The following POMT2 variants were observed in gnomAD, a reference collection of about 807,000 sequenced individuals.
POMT2 encodes protein O-mannosyltransferase 2.
A neutral mutation model predicts 100.0 loss-of-function variants in POMT2; 75 were observed. The observed-to-expected ratio is 0.75, with a 90% CI of 0.62 to 0.91. POMT2 has a LOEUF of 0.91. Ranked by LOEUF, POMT2 falls within the 40% of genes least tolerant of loss-of-function variation. The pLI, the probability that POMT2 is intolerant of heterozygous loss-of-function variation, is 0.00. For synonymous variants in POMT2, 378 were observed against 374.1 expected (o/e 1.01, Z -0.12); for missense variants, 940 against 955.1 (o/e 0.98, Z 0.21).
At chr14:77,278,255 C>T in intron 20 of POMT2, 139 bp downstream of exon 20, 1 of 757,080 alleles carries the variant, frequency 1.3e-6, no homozygotes, top group Non-Finnish European at 2.3e-6. Flanking sequence ...CACGGCCCCA[C>T]CTGGGCTTGG....
At chr14:77,291,912 C>T (rs1411300976) in intron 9 of POMT2, among the ~76,000 whole-genome samples, 1 of 152,112 alleles carries the variant, frequency 6.6e-6, no homozygotes, top group Non-Finnish European at 1.5e-5. Context: ...CGCCTGTAAT[C>T]CCAACTACTC....
At chr14:77,290,179 A>C (rs1890585002) in intron 10 of POMT2, among the ~76,000 whole-genome samples, 1 of 152,210 alleles carries the variant, frequency 6.6e-6, no homozygotes, top group East Asian at 1.9e-4. Context: ...ATGAAATGCA[A>C]CCATCTTAAC....
At chr14:77,316,524 C>CCACT (rs1202029649) in intron 1 of POMT2, among the ~76,000 whole-genome samples, 13 of 146,826 alleles carry the variant, frequency 8.9e-5, no homozygotes, top group African/African-American at 3.0e-4. Context: ...TATGATTGTA[C>CCACT]CACTCCACTC....
chr14:77,311,993 T>A lies in POMT2; in HGVS notation c.289A>T (p.Ile97Phe). ...ACATCAAAGAAAAATGTACGGTTGA[T>A]ATAGTAACTTCCCATTTTTCCAAAG... ...THFGKMGSYY[I>F]NRTFFFDVHP... Residue 97 changes from isoleucine (I) to phenylalanine (F), a missense_variant, in exon 2 of 21, where the codon ATC becomes TTC. Transcript: ENST00000261534. The A allele has an allele frequency of 6.2e-7, 1 of 1,614,100 alleles. No homozygotes were observed. The highest frequency in any genetic ancestry group is 8.5e-7 in the Non-Finnish European group (1 of 1,180,000).
chr14:77,299,666 T>A, intron 6 of POMT2, 105 bp from the exon 7 acceptor site: 1 of 903,012 alleles, frequency 1.1e-6, no homozygotes, highest in Non-Finnish European at 1.8e-6. Context: ...GTCATAATCA[T>A]AAAAAATGGC....
At chr14:77,305,906 G>A (rs1186436516) in intron 3 of POMT2, among the ~76,000 whole-genome samples, 2 of 152,182 alleles carry the variant, frequency 1.3e-5, no homozygotes, top group East Asian at 3.8e-4. Flanking sequence ...GTGTGGGGAT[G>A]CCAAAATCTT....
Position 77,301,194 on chromosome 14 carries a change from C to T in POMT2, c.712G>A (p.Gly238Ser), listed in dbSNP as rs1218868274. Reference sequence around the variant, plus strand: ...CCAACAAACTTGACCCCTAAAGCACCAGCAAGACTAACGCCAGTCAGGCTG... The same window carrying T: ...CCAACAAACTTGACCCCTAAAGCACTAGCAAGACTAACGCCAGTCAGGCTG... ...WLSLTGVSLAGALGVKFVGLF... is the reference protein window; with the variant it reads ...WLSLTGVSLASALGVKFVGLF... Residue 238 changes from glycine to serine, a missense_variant, in exon 6 of 21, where the codon GGT (glycine) becomes AGT (serine). Gly to Ser is a moderately conservative substitution (Grantham distance 56). Coordinates refer to ENST00000261534, the MANE Select transcript of POMT2 (RefSeq NM_013382.7). The T allele has an allele frequency of 6.2e-7, 1 of 1,614,224 alleles. No individual in the cohort carries two copies. The highest frequency in any genetic ancestry group is 1.1e-5 in the South Asian group (1 of 91,078).
At chr14:77,314,332 T>G (rs1467505529) in intron 1 of POMT2, among the ~76,000 whole-genome samples, 1 of 152,238 alleles carries the variant, frequency 6.6e-6, no homozygotes, top group Non-Finnish European at 1.5e-5. Flanking sequence ...CACGTGGGAC[T>G]TAGGGGCAAA....
At position 77,299,497 on chromosome 14, in the gene POMT2, T is replaced by C. The variant is rs587780423; in HGVS notation, c.881A>G (p.Tyr294Cys). The change falls in exon 7 of 21, where the codon TAT becomes TGT. Residue 294 changes from tyrosine (Y) to cysteine (C), a missense_variant. Tyr to Cys is a radical substitution (Grantham distance 194). Transcript: ENST00000261534. Reference sequence around the variant, plus strand: ...GAAGTGAACAGCAAAGGTGGCTGTATAGAGAGCCAGGGGCAGCACTATGAG... The same window carrying C: ...GAAGTGAACAGCAAAGGTGGCTGTACAGAGAGCCAGGGGCAGCACTATGAG... The part of the protein sequence containing the change: ...LCLIVLPLAL[Y>C]TATFAVHFMV... 10 of 1,614,010 alleles carry C rather than the reference T, an allele frequency of 6.2e-6. No homozygotes were observed. Among genetic ancestry groups the C allele is most frequent in the South Asian group, 2.2e-5 (2 of 91,092 alleles).
chr14:77,293,646 T>C (rs1035591470), intron 9 of POMT2, among the ~76,000 whole-genome samples: 2 of 152,236 alleles, frequency 1.3e-5, no homozygotes, highest in African/African-American at 4.8e-5. Context: ...GGAGATTATT[T>C]AGTCCAATCC....
At chr14:77,278,238 T>C in intron 20 of POMT2, 156 bp downstream of exon 20, 1 of 688,586 alleles carries the variant, frequency 1.5e-6, no homozygotes, top group Non-Finnish European at 2.6e-6. Context: ...TGGGGGACTC[T>C]GGAAACCACG....
rs1890247011 is a variant in POMT2, at chr14:77,281,828, A to G, written c.1654-1365T>C. On this transcript the variant is annotated intron_variant, in intron 15 of 20. Transcript: ENST00000261534. ...GCCAAAAATTTCTCCACAGATGGCC[A>G]AAAGTCCCGAGAGGCAAAATCACCC... 7.9e-5 allele frequency among the ~76,000 whole-genome samples: 12 copies of G among 152,316 alleles called. 1 individual carries two copies. The South Asian group carries it at 2.5e-3, about 32-fold the overall frequency.
Position 77,281,856 on chromosome 14 carries a change from A to C in POMT2, c.1654-1393T>G, listed in dbSNP as rs149489520. Among the ~76,000 whole-genome samples, 14 of 152,292 alleles carry C rather than the reference A, an allele frequency of 9.2e-5. No individual in the cohort carries two copies. In the East Asian group the frequency reaches 2.7e-3, roughly 29 times the overall value. On this transcript the variant is annotated intron_variant, in intron 15 of 20. Coordinates refer to ENST00000261534, the MANE Select transcript of POMT2 (RefSeq NM_013382.7). ...AGTCCCGAGAGGCAAAATCACCCTCAATTAAGAACCACTGGTATAGCCTAA... is the reference window on the plus strand; with the variant it reads ...AGTCCCGAGAGGCAAAATCACCCTCCATTAAGAACCACTGGTATAGCCTAA...
chr14:77,307,057 G>C (rs549708113), intron 2 of POMT2, among the ~76,000 whole-genome samples: 163 of 152,358 alleles, frequency 1.1e-3, no homozygotes, highest in Non-Finnish European at 2.0e-3. Flanking sequence ...AAATCAATTA[G>C]AAACTGAGAC....
chr14:77,306,171 C>A, intron 3 of POMT2, 166 bp downstream of exon 3: 1 of 1,211,608 alleles, frequency 8.3e-7, no homozygotes. Flanking sequence ...CACCTCAGTT[C>A]TGAGTATCTA....
At chr14:77,291,442 C>G in intron 9 of POMT2, 62 bp from the exon 10 acceptor site, 1 of 1,573,602 alleles carries the variant, frequency 6.4e-7, no homozygotes, top group South Asian at 1.1e-5. Flanking sequence ...TCACTATCAG[C>G]ACAGCTGGCC....
chr14:77,309,225 G>A (rs1891351073), intron 2 of POMT2, among the ~76,000 whole-genome samples: 1 of 152,224 alleles, frequency 6.6e-6, no homozygotes. Flanking sequence ...AAAGATGACC[G>A]TGGTTACCTC....
At position 77,306,556 on chromosome 14, in the gene POMT2, A is replaced by G. The variant is rs931233228; in HGVS notation, c.334-115T>C. ...CTTTGGGTTCCCTTGACAACTGTCC[A>G]TAGAAAATGTTGCCAATGCAACATT... On this transcript the variant is annotated intron_variant, in intron 2 of 20. Coordinates refer to ENST00000261534, the MANE Select transcript of POMT2 (RefSeq NM_013382.7). 2.6e-5 allele frequency: 32 copies of G among 1,216,652 alleles called. No homozygotes were observed. In the South Asian group the frequency reaches 3.7e-4, roughly 14 times the overall value. The allele number at this position is 1,216,652 out of a possible 1,614,324, so 75.4% of individuals were successfully genotyped here.
chr14:77,290,830 A>C (rs1890612353), intron 10 of POMT2, among the ~76,000 whole-genome samples: 2 of 152,256 alleles, frequency 1.3e-5, no homozygotes, highest in Admixed American at 6.5e-5. Flanking sequence ...TCACAGGACT[A>C]GTAGCCCCTC....
Sources: gnomAD v4.1 joint callset for allele counts (sites outside exome capture counted in the v4.1 genomes callset) on GRCh38, gnomAD v4.1.1 for gene constraint, MANE v1.5 for transcripts, NCBI Gene and HGNC (gene_info 2026-07-23, HGNC 2026-07-21) for gene names.